EBF2: variants seen among roughly 807,000 people sequenced by gnomAD.
The protein encoded by EBF2 is transcription factor COE2.
EBF2 carries 21 observed loss-of-function variants against 72.8 expected under a neutral mutation model. That is an observed-to-expected ratio of 0.29 (90% CI 0.20 to 0.42). The LOEUF (loss-of-function observed/expected upper bound fraction) is 0.42. Ranked by LOEUF, EBF2 falls within the 10% of genes least tolerant of loss-of-function variation. The pLI, the probability that EBF2 is intolerant of heterozygous loss-of-function variation, is 1.00. For synonymous variants in EBF2, 299 were observed against 274.2 expected, an observed-to-expected ratio of 1.09 and a Z score of -0.89; for missense variants, 637 against 731.2, an observed-to-expected ratio of 0.87 and a Z score of 1.49.
At chr8:25,923,163 C>T (rs1347034527) in intron 6 of EBF2, among the ~76,000 whole-genome samples, 1 of 152,134 alleles carries the variant, frequency 6.6e-6, no homozygotes, top group East Asian at 1.9e-4. Flanking sequence ...GCCCCAGCCA[C>T]GCTGGGAGAA....
intron 6 of EBF2, among the ~76,000 whole-genome samples, chr8:25,922,259 A>C (rs73225934): frequency 0.2 from 30,429 of 151,968 alleles, 5,798 homozygotes; most frequent in African/African-American, 0.5. Context: ...TTAAAAAAAA[A>C]AAACAAACAA....
At chr8:25,983,805 A>T (rs896686736) in intron 6 of EBF2, among the ~76,000 whole-genome samples, 7 of 152,406 alleles carry the variant, frequency 4.6e-5, no homozygotes, top group African/African-American at 1.7e-4. Context: ...TGCTGAAGAC[A>T]TAACAAAGGA....
chr8:25,986,685 A>C (rs1324871590), intron 6 of EBF2, among the ~76,000 whole-genome samples: 1 of 149,858 alleles, frequency 6.7e-6, no homozygotes, highest in Admixed American at 6.7e-5. Flanking sequence ...TTAAAAAAAA[A>C]CTGACTTTTT....
At chr8:25,910,040 C>A (rs1304824924) in intron 6 of EBF2, among the ~76,000 whole-genome samples, 1 of 152,056 alleles carries the variant, frequency 6.6e-6, no homozygotes, top group Non-Finnish European at 1.5e-5. Context: ...AAGAGACCTG[C>A]GGAAGGATAA....
chr8:25,964,665 A>G (rs994967456), intron 6 of EBF2, among the ~76,000 whole-genome samples: 2 of 152,214 alleles, frequency 1.3e-5, no homozygotes, highest in African/African-American at 4.8e-5. Context: ...AGCCCTGTTC[A>G]TTCCCAGAGA....
At chr8:25,936,186 C>G (rs753718386) in intron 6 of EBF2, among the ~76,000 whole-genome samples, 4 of 152,220 alleles carry the variant, frequency 2.6e-5, no homozygotes, top group Admixed American at 6.5e-5. Context: ...AGACATTATA[C>G]TAAAACTCTC....
intron 6 of EBF2, among the ~76,000 whole-genome samples, chr8:25,990,220 CAT>C (rs1166709977): frequency 6.6e-6 from 1 of 150,412 alleles, no homozygotes; most frequent in Non-Finnish European, 1.5e-5. Context: ...CACACACACA[CAT>C]AAAATCAATA....
At chr8:25,994,766 A>G (rs915444512) in intron 6 of EBF2, among the ~76,000 whole-genome samples, 3 of 152,242 alleles carry the variant, frequency 2.0e-5, no homozygotes, top group Non-Finnish European at 1.5e-5. Flanking sequence ...ATAAGGGAAC[A>G]ACAGACATTG....
intron 6 of EBF2, among the ~76,000 whole-genome samples, chr8:26,016,373 G>T (rs1187338774): frequency 6.6e-6 from 1 of 152,204 alleles, no homozygotes; most frequent in African/African-American, 2.4e-5. Flanking sequence ...ACTAAAATTG[G>T]ATTGCAGAAC....
intron 6 of EBF2, among the ~76,000 whole-genome samples, chr8:26,023,248 C>T (rs967273760): frequency 6.6e-6 from 1 of 152,190 alleles, no homozygotes; most frequent in Non-Finnish European, 1.5e-5. Context: ...ACCTTTGTTC[C>T]TCCTAAAGCC....
chr8:26,030,770 G>C (rs1585234259), intron 6 of EBF2, among the ~76,000 whole-genome samples: 1 of 152,150 alleles, frequency 6.6e-6, no homozygotes, highest in Non-Finnish European at 1.5e-5. Flanking sequence ...TTGCACATAG[G>C]ATAGTAAAAA....
At chr8:25,885,292 C>T (rs1802671489) in intron 10 of EBF2, among the ~76,000 whole-genome samples, 1 of 151,972 alleles carries the variant, frequency 6.6e-6, no homozygotes, top group African/African-American at 2.4e-5. Context: ...GTGTGCAGCT[C>T]ATTTGGGCTA....
intron 6 of EBF2, among the ~76,000 whole-genome samples, chr8:25,920,255 G>A (rs973052422): frequency 4.6e-5 from 7 of 152,196 alleles, no homozygotes; most frequent in African/African-American, 1.7e-4. Flanking sequence ...GTTTTGAGTG[G>A]TTATAATAGG....
chr8:25,869,376 G>C (rs950265426), intron 10 of EBF2, among the ~76,000 whole-genome samples: 1 of 152,004 alleles, frequency 6.6e-6, no homozygotes, highest in Non-Finnish European at 1.5e-5. Context: ...TCACTTCCTT[G>C]CCCTGCTGCT....
At chr8:25,906,270 C>T (rs528949782) in intron 7 of EBF2, among the ~76,000 whole-genome samples, 1 of 152,206 alleles carries the variant, frequency 6.6e-6, no homozygotes, top group African/African-American at 2.4e-5. Flanking sequence ...TGCCAACTCT[C>T]TTTTCTCTGC....
At chr8:25,935,353 G>A (rs1021845533) in intron 6 of EBF2, among the ~76,000 whole-genome samples, 1 of 152,152 alleles carries the variant, frequency 6.6e-6, no homozygotes, top group Non-Finnish European at 1.5e-5. Flanking sequence ...TTTACAACAT[G>A]GGGTTCCCTT....
intron 7 of EBF2, among the ~76,000 whole-genome samples, chr8:25,894,354 G>A (rs1802833529): frequency 6.6e-6 from 1 of 152,192 alleles, no homozygotes. Context: ...ATTTGGAGAA[G>A]TTAAGATTTC....
At chr8:25,975,153 C>T (rs1025805682) in intron 6 of EBF2, among the ~76,000 whole-genome samples, 2 of 152,162 alleles carry the variant, frequency 1.3e-5, no homozygotes, top group Non-Finnish European at 2.9e-5. Context: ...GCCTCAGAAG[C>T]GCCTGTTAAC....
rs566333527 is a variant in EBF2 at position 25,889,103 on chromosome 8, A to C, written c.751+649T>G. Among the ~76,000 whole-genome samples the C allele has an allele frequency of 9.2e-5, 14 of 152,316 alleles. 1 individual carries two copies. The South Asian group carries it at 2.9e-3, about 32-fold the overall frequency. The stretch of plus-strand genomic sequence containing the variant: ...ATATAACAAAACATCACACTAAAAT[A>C]GTAGCCTAGTTTGACCAACATTCTG... On this transcript the variant is annotated intron_variant, in intron 8 of 15. Transcript: ENST00000520164.
Sources: gnomAD v4.1 joint callset for allele counts (sites outside exome capture counted in the v4.1 genomes callset) on GRCh38, gnomAD v4.1.1 for gene constraint, MANE v1.5 for transcripts, NCBI Gene and HGNC (gene_info 2026-07-23, HGNC 2026-07-21) for gene names.